Variants in PDPR observed in about 807,000 individuals in gnomAD.
PDPR encodes pyruvate dehydrogenase phosphatase regulatory subunit, mitochondrial.
In PDPR, 50 loss-of-function variants were observed where a neutral mutation model predicts 102.2. The observed-to-expected ratio is 0.49, with a 90% confidence interval of 0.39 to 0.62. PDPR has a LOEUF of 0.62. Ranked by LOEUF, PDPR falls within the 20% of genes least tolerant of loss-of-function variation. The pLI, the probability that PDPR is intolerant of heterozygous loss-of-function variation, is 0.00. For missense variants in PDPR, 625 were observed against 1,098.2 expected (o/e 0.57, Z 6.09); for synonymous variants, 259 against 406.0 (o/e 0.64, Z 4.35).
intron 1 of PDPR, 105 bp downstream of exon 1, chr16:70,114,545 T>C (rs1245333233): frequency 6.6e-6 from 1 of 152,188 alleles, no homozygotes; most frequent in Non-Finnish European, 1.5e-5. Flanking sequence ...CGCCCGGGGG[T>C]GGTCCCCGCT....
At chr16:70,144,875 A>G (rs1209983374) in intron 15 of PDPR, among the ~76,000 whole-genome samples, 30 of 152,258 alleles carry the variant, frequency 2.0e-4, no homozygotes, top group Non-Finnish European at 4.1e-4. Context: ...GAATCACTTG[A>G]ACCCAGGAGG....
chr16:70,144,853 G>A (rs1262731559), intron 15 of PDPR, among the ~76,000 whole-genome samples: 1 of 152,214 alleles, frequency 6.6e-6, no homozygotes, highest in Non-Finnish European at 1.5e-5. Flanking sequence ...TACTTGGGAG[G>A]CTGAGGCAGG....
At chr16:70,145,115 T>C (rs1250874350) in intron 15 of PDPR, among the ~76,000 whole-genome samples, 1 of 151,856 alleles carries the variant, frequency 6.6e-6, no homozygotes, top group Non-Finnish European at 1.5e-5. Flanking sequence ...TAGCTGGACA[T>C]GGTGGTGCAT....
chr16:70,132,818 T>TG (rs1480933186), intron 9 of PDPR, among the ~76,000 whole-genome samples: 2 of 152,132 alleles, frequency 1.3e-5, no homozygotes, highest in Admixed American at 6.6e-5. Context: ...TCTCTATCAT[T>TG]TTGTGTGTGT....
chr16:70,150,264 C>T (rs992202353), intron 17 of PDPR, among the ~76,000 whole-genome samples: 3 of 152,238 alleles, frequency 2.0e-5, no homozygotes, highest in South Asian at 4.1e-4. Context: ...CCACCACACC[C>T]GACTAATTTT....
At position 70,153,391 on chromosome 16, in the gene PDPR, T is replaced by C. The variant is rs762569073; in HGVS notation, c.2053T>C (p.Tyr685His). The change falls in exon 18 of 19, where the codon TAC (tyrosine) becomes CAC (histidine). Residue 685 changes from tyrosine to histidine, a missense_variant and splice_region_variant. Physicochemically the swap from Tyr to His is moderately conservative, Grantham distance 83. Coordinates refer to ENST00000288050, the MANE Select transcript of PDPR (RefSeq NM_017990.5). ...PGFMLYIPIE[Y>H]ALHVYNEVMS... ...ATGAACTTTCTGTCTCTTCCTATAG[T>C]ACGCCCTGCATGTATACAATGAAGT... 1.2e-6 allele frequency: 2 copies of C among 1,612,438 alleles called. No homozygotes were observed. The highest frequency in any genetic ancestry group is 1.7e-5 in the Admixed American group (1 of 59,606).
chr16:70,148,652 G>A lies in PDPR; in HGVS notation c.2052+99G>A, dbSNP rs187036584. The A allele has an allele frequency of 1.7e-3, 1,871 of 1,103,332 alleles. 5 individuals carry two copies. The African/African-American group carries it at 0.021, about 13-fold the overall frequency. The allele number at this position is 1,103,332 out of a possible 1,614,324, so 68.3% of individuals were successfully genotyped here. A position where few individuals can be genotyped will look rare whatever the true frequency, so the allele number is the denominator to read the frequency against. On this transcript the variant is annotated intron_variant, in intron 17 of 18. Transcript: ENST00000288050. ...GTGGGGTGCCAGTGCTCCCAGCAGC[G>A]CGTTCACCAGCACTGGCAGGTTTGG... is the stretch of plus-strand genomic sequence containing the variant.
intron 9 of PDPR, among the ~76,000 whole-genome samples, chr16:70,132,614 G>A (rs886172864): frequency 6.6e-6 from 1 of 151,820 alleles, no homozygotes; most frequent in African/African-American, 2.4e-5. Context: ...CACAATTATA[G>A]CTCACTGCAG....
At chr16:70,130,565 C>A (rs766471452) in intron 7 of PDPR, 21 bp downstream of exon 7, 18 of 1,612,564 alleles carry the variant, frequency 1.1e-5, no homozygotes, top group Admixed American at 5.0e-5. Context: ...ACCAACACTG[C>A]TGTTCTTATT....
At chr16:70,136,757 T>C (rs564753221) in intron 10 of PDPR, among the ~76,000 whole-genome samples, 10 of 152,308 alleles carry the variant, frequency 6.6e-5, no homozygotes, top group African/African-American at 2.4e-4. Flanking sequence ...GGTTTGTTTG[T>C]TTTTTTAGAC....
At chr16:70,117,525 A>G (rs1962769695) in intron 2 of PDPR, among the ~76,000 whole-genome samples, 1 of 152,014 alleles carries the variant, frequency 6.6e-6, no homozygotes, top group Non-Finnish European at 1.5e-5. Context: ...CTCAAAAAAA[A>G]TAAATAAGAT....
chr16:70,139,407 A>C (rs1286985849), intron 11 of PDPR, among the ~76,000 whole-genome samples: 1 of 152,194 alleles, frequency 6.6e-6, no homozygotes, highest in Non-Finnish European at 1.5e-5. Flanking sequence ...TCTCACTCCC[A>C]CTTAGTTTTT....
At chr16:70,141,543 C>T (rs1189569119) in intron 11 of PDPR, among the ~76,000 whole-genome samples, 3 of 152,240 alleles carry the variant, frequency 2.0e-5, no homozygotes, top group Non-Finnish European at 4.4e-5. Context: ...AATGAAGAAT[C>T]GAATGCCATT....
At position 70,157,068 on chromosome 16, in the gene PDPR, C is replaced by A; in HGVS notation, c.*189C>A. 1 of 802,178 alleles carries A rather than the reference C, an allele frequency of 1.2e-6. No individual in the cohort carries two copies. The highest frequency in any genetic ancestry group is 2.1e-6 in the Non-Finnish European group (1 of 478,566). 49.7% of individuals were successfully genotyped at this position (802,178 alleles called of 1,614,324 possible). ...CTCTGCAGCCTTCCTTGCCCTTCCA[C>A]CTCCTCCTCCTAATATTCACTCTGG... is the stretch of plus-strand genomic sequence containing the variant. On this transcript the variant is annotated 3_prime_UTR_variant, in exon 19 of 19. Transcript: ENST00000288050.
At chr16:70,163,386 C>G (rs1445987696), downstream of PDPR, among the ~76,000 whole-genome samples, 1 of 152,190 alleles carries the variant, frequency 6.6e-6, no homozygotes, top group East Asian at 1.9e-4. Flanking sequence ...AATAGTCAAC[C>G]ACGCCAGAAA....
At chr16:70,129,482 C>G (rs1199782908) in intron 6 of PDPR, among the ~76,000 whole-genome samples, 1 of 152,262 alleles carries the variant, frequency 6.6e-6, no homozygotes, top group Non-Finnish European at 1.5e-5. Flanking sequence ...GTAGGTGGGA[C>G]TACAGGCGTG....
At chr16:70,118,216 A>G (rs1443165447) in intron 2 of PDPR, among the ~76,000 whole-genome samples, 1 of 152,200 alleles carries the variant, frequency 6.6e-6, no homozygotes, top group Admixed American at 6.5e-5. Context: ...AGTGGGATCC[A>G]GGGCCCTTGG....
chr16:70,126,394 C>T (rs56813907), intron 3 of PDPR, among the ~76,000 whole-genome samples: 20,367 of 145,156 alleles, frequency 0.14, no homozygotes, highest in African/African-American at 0.14. Flanking sequence ...GGCGGAGTCT[C>T]GCTCTGTCAC....
intron 15 of PDPR, chr16:70,145,881 A>G (rs1273595164): frequency 2.0e-6 from 1 of 503,418 alleles, no homozygotes; most frequent in East Asian, 4.3e-5. Flanking sequence ...CCTTGCTGGG[A>G]AAAGGAGGAG....
Sources: gnomAD v4.1 joint callset for allele counts (sites outside exome capture counted in the v4.1 genomes callset) on GRCh38, gnomAD v4.1.1 for gene constraint, MANE v1.5 for transcripts, NCBI Gene and HGNC (gene_info 2026-07-23, HGNC 2026-07-21) for gene names.